SH3BP2: variants seen among roughly 807,000 people sequenced by gnomAD.
SH3BP2 encodes the protein SH3 domain binding protein 2.
A neutral mutation model predicts 56.2 loss-of-function variants in SH3BP2; 38 were observed. The observed-to-expected ratio is 0.68, with a 90% CI of 0.52 to 0.89. The LOEUF is 0.89. Among genes scored for constraint, SH3BP2 ranks in the 40% least tolerant of loss-of-function variants. The pLI is 0.00. For missense variants in SH3BP2, 748 were observed against 762.6 expected (o/e 0.98, Z 0.23); for synonymous variants, 346 against 316.7 (o/e 1.09, Z -0.98).
In SH3BP2 at chr4:2,830,129, C is replaced by G; in HGVS notation, c.1223C>G (p.Pro408Arg). ...GCAGTCCTGCCCAGGCCAGAGAAGCCGCAGCTCCCGCACCTCCAGTGAGTT... is the reference window on the plus strand; with the variant it reads ...GCAGTCCTGCCCAGGCCAGAGAAGCGGCAGCTCCCGCACCTCCAGTGAGTT... Reference protein sequence around the residue: ...RPAVLPRPEKPQLPHLQRSPP... With the variant: ...RPAVLPRPEKRQLPHLQRSPP... Residue 408 changes from proline (P) to arginine (R), a missense_variant, in exon 8 of 13, where the codon CCG becomes CGG. This residue lies in a region of SH3BP2 where 635 missense variants were observed against 615.0 expected (regional missense o/e 1.03). Coordinates refer to ENST00000503393, the MANE Select transcript of SH3BP2 (RefSeq NM_001122681.2). 6.2e-7 allele frequency: 1 copy of G among 1,601,412 alleles called. No homozygotes were observed. Among genetic ancestry groups the G allele is most frequent in the Non-Finnish European group, 8.5e-7 (1 of 1,179,254 alleles).
At chr4:2,820,584 T>C (rs1440798802) in intron 1 of SH3BP2, 30 bp from the exon 2 acceptor site, 1 of 1,614,046 alleles carries the variant, frequency 6.2e-7, no homozygotes, top group South Asian at 1.1e-5. Flanking sequence ...TGACCGTAGC[T>C]GAGCCACGTG....
chr4:2,813,089 A>C (rs450080), intron 1 of SH3BP2, among the ~76,000 whole-genome samples: 120,431 of 152,150 alleles, frequency 0.79, 48,469 homozygotes, highest in African/African-American at 0.93. Context: ...TTACGGGAGA[A>C]TTTTGGTTTT....
At chr4:2,817,123 G>A (rs1230703354) in intron 1 of SH3BP2, among the ~76,000 whole-genome samples, 1 of 152,246 alleles carries the variant, frequency 6.6e-6, no homozygotes, top group Admixed American at 6.5e-5. Flanking sequence ...GGGTCTGGCT[G>A]GCGTAAGAGC....
At chr4:2,803,764 C>CT (rs1306765783) in intron 1 of SH3BP2, among the ~76,000 whole-genome samples, 2 of 152,180 alleles carry the variant, frequency 1.3e-5, no homozygotes, top group African/African-American at 4.8e-5. Context: ...CTGTCTGACT[C>CT]TATGTAATCC....
At chr4:2,809,706 G>A in intron 1 of SH3BP2, 1 of 784,354 alleles carries the variant, frequency 1.3e-6, no homozygotes, top group Non-Finnish European at 1.5e-6. Flanking sequence ...ACTGTGCTGG[G>A]TGTTTGCCTT....
Position 2,840,512 on chromosome 4 carries a change from T to TA in SH3BP2, c.*6679dup, listed in dbSNP as rs1725386407. 6.6e-6 allele frequency: 1 copy of TA among 152,226 alleles called. No homozygotes were observed. The highest frequency in any genetic ancestry group is 6.5e-5 in the Admixed American group (1 of 15,274). 9.4% of individuals were successfully genotyped at this position (152,226 alleles called of 1,614,324 possible). On this transcript the variant is annotated 3_prime_UTR_variant, in exon 13 of 13. Coordinates refer to ENST00000503393, the MANE Select transcript of SH3BP2 (RefSeq NM_001122681.2). The stretch of plus-strand genomic sequence containing the variant: ...CTCTGTCATATGTCCACATATGACA[T>TA]ATGTAGATCTGTTGTTGGATTCTTT...
chr4:2,796,356 C>T, intron 1 of SH3BP2: 1 of 966,842 alleles, frequency 1.0e-6, no homozygotes, highest in Non-Finnish European at 1.2e-6. Context: ...CTCCCCCAAC[C>T]TTCTCTCTTC....
At chr4:2,820,178 C>T (rs1356015658) in intron 1 of SH3BP2, among the ~76,000 whole-genome samples, 1 of 152,186 alleles carries the variant, frequency 6.6e-6, no homozygotes, top group Non-Finnish European at 1.5e-5. Context: ...TGCTCACTTG[C>T]CTTCTTCCTG....
intron 1 of SH3BP2, chr4:2,818,616 G>T: frequency 1.4e-6 from 1 of 696,744 alleles, no homozygotes; most frequent in East Asian, 6.8e-5. Flanking sequence ...CCCGCGGGCG[G>T]ACTGGGCACG....
At chr4:2,801,282 C>G (rs1723271284) in intron 1 of SH3BP2, among the ~76,000 whole-genome samples, 1 of 152,200 alleles carries the variant, frequency 6.6e-6, no homozygotes, top group South Asian at 2.1e-4. Flanking sequence ...CACCCAGGCC[C>G]CCTCTGGGCC....
At chr4:2,807,041 C>T (rs145263749) in intron 1 of SH3BP2, among the ~76,000 whole-genome samples, 392 of 152,366 alleles carry the variant, frequency 2.6e-3, no homozygotes, top group Non-Finnish European at 4.2e-3. Flanking sequence ...CACCCTGCAC[C>T]GCTCTGTGAA....
At chr4:2,801,332 T>C (rs914624379) in intron 1 of SH3BP2, among the ~76,000 whole-genome samples, 7 of 152,152 alleles carry the variant, frequency 4.6e-5, no homozygotes, top group Non-Finnish European at 8.8e-5. Flanking sequence ...GCATGAGTCA[T>C]CCTGTCCCCT....
At position 2,822,999 on chromosome 4, in the gene SH3BP2, C is replaced by A. The variant is rs772451753; in HGVS notation, c.201C>A (p.Ala67=). 6.2e-7 allele frequency: 1 copy of A among 1,614,002 alleles called. No homozygotes were observed. The highest frequency in any genetic ancestry group is 1.3e-5 in the African/African-American group (1 of 74,932). ...CVYYFKSSTS[A]SPQGAFSLSG... ...ACTACTTCAAGAGTAGCACCTCTGC[C>A]TCCCCGCAGGGCGCCTTCTCCCTGA... The change falls in exon 3 of 13, where the codon GCC becomes GCA. Residue 67 remains alanine, a synonymous_variant. Transcript: ENST00000503393.
intron 12 of SH3BP2, 200 bp from the exon 13 acceptor site, chr4:2,833,497 G>A (rs1725109904): frequency 3.0e-6 from 2 of 670,912 alleles, no homozygotes. Context: ...GGACATGGAG[G>A]ACGGAGGGGA....
intron 1 of SH3BP2, among the ~76,000 whole-genome samples, chr4:2,800,994 G>GA (rs1194234299): frequency 3.5e-4 from 43 of 123,934 alleles, no homozygotes; most frequent in African/African-American, 9.9e-4. Context: ...CTGGCTCCGA[G>GA]GGAGGAAGGA....
rs547977985 is a variant in SH3BP2, at chr4:2,833,755, A to G, written c.1607A>G (p.Glu536Gly). Residue 536 changes from glutamate (E) to glycine (G), a missense_variant, in exon 13 of 13, where the codon GAG becomes GGG. Glu to Gly is a moderately conservative substitution (Grantham distance 98). Coordinates refer to ENST00000503393, the MANE Select transcript of SH3BP2 (RefSeq NM_001122681.2). The stretch of plus-strand genomic sequence containing the variant: ...TTTGTGAGTGTGGGCAGCATGGTGG[A>G]GCACTACCACACCCACGTGCTGCCC... Reference protein sequence around the residue: ...VLFVSVGSMVEHYHTHVLPSH... With the variant: ...VLFVSVGSMVGHYHTHVLPSH... The G allele has an allele frequency of 6.2e-7, 1 of 1,605,952 alleles. No homozygotes were observed. The highest frequency in any genetic ancestry group is 1.3e-5 in the African/African-American group (1 of 74,858).
intron 1 of SH3BP2, among the ~76,000 whole-genome samples, chr4:2,806,767 C>G (rs534023000): frequency 1.3e-5 from 2 of 152,362 alleles, no homozygotes; most frequent in East Asian, 3.9e-4. Context: ...AGTCCCGACT[C>G]CCATGCCCAT....
intron 1 of SH3BP2, among the ~76,000 whole-genome samples, 190 bp from the exon 2 acceptor site, chr4:2,820,424 C>T (rs1177789762): frequency 1.3e-5 from 2 of 152,142 alleles, no homozygotes; most frequent in Non-Finnish European, 2.9e-5. Context: ...CTGAGTGGAG[C>T]CCGTGGCTCT....
At chr4:2,826,724 C>T (rs971380731) in intron 5 of SH3BP2, 10 of 352,230 alleles carry the variant, frequency 2.8e-5, no homozygotes, top group Non-Finnish European at 4.5e-5. Flanking sequence ...GCATGTTGCT[C>T]TGTGTGTGTG....
Sources: gnomAD v4.1 joint callset for allele counts (sites outside exome capture counted in the v4.1 genomes callset) on GRCh38, gnomAD v4.1.1 for gene constraint, gnomAD v4.1.1 regional missense constraint, MANE v1.5 for transcripts, NCBI Gene and HGNC (gene_info 2026-07-23, HGNC 2026-07-21) for gene names.